MTR: variants seen among roughly 807,000 people sequenced by gnomAD.
The protein encoded by MTR is methionine synthase.
Under a neutral mutation model 154.8 loss-of-function variants are expected in MTR, and 84 were observed. That is an observed-to-expected ratio of 0.54 (90% CI 0.45 to 0.65). The LOEUF (loss-of-function observed/expected upper bound fraction) is 0.65, where lower values mean the gene tolerates loss of function less well. Among genes scored for constraint, MTR ranks in the 30% least tolerant of loss-of-function variants. MTR has a pLI of 0.00. For synonymous variants in MTR, 554 were observed against 553.9 expected (o/e 1.00, Z 0.00); for missense variants, 1,275 against 1,570.2 (o/e 0.81, Z 3.18).
intron 1 of MTR, 63 bp from the exon 2 acceptor site, chr1:236,803,365 T>C (rs919312198): frequency 6.3e-5 from 92 of 1,470,412 alleles, no homozygotes; most frequent in Non-Finnish European, 8.4e-5. Context: ...TCTCTAAAGC[T>C]CCTCCCTCAC....
At chr1:236,879,109 A>G (rs549781611) in intron 24 of MTR, among the ~76,000 whole-genome samples, 13 of 152,354 alleles carry the variant, frequency 8.5e-5, no homozygotes, top group East Asian at 7.7e-4. Flanking sequence ...TATTACACCT[A>G]TAACAGTCTC....
At chr1:236,874,296 T>G (rs1665306480) in intron 23 of MTR, among the ~76,000 whole-genome samples, 1 of 152,130 alleles carries the variant, frequency 6.6e-6, no homozygotes, top group East Asian at 1.9e-4. Context: ...AAACTGGGGA[T>G]GGGCGCAGTG....
At chr1:236,886,949 T>C (rs1362035308) in intron 27 of MTR, among the ~76,000 whole-genome samples, 1 of 150,250 alleles carries the variant, frequency 6.7e-6, no homozygotes, top group Middle Eastern at 3.2e-3. Flanking sequence ...TCTCTCTGGA[T>C]GTTTCCCTCT....
In MTR at chr1:236,863,452, A is replaced by G. The variant is rs1664661129; in HGVS notation, c.2305-2A>G. 3 of 1,613,716 alleles carry G rather than the reference A, an allele frequency of 1.9e-6. No homozygotes were observed. The highest frequency in any genetic ancestry group is 2.5e-6 in the Non-Finnish European group (3 of 1,179,832). Reference sequence around the variant, plus strand: ...TGCTGAGCTGCTTGGCTTCCTTTCCAGGACCCTTACCAGGGCACCATCGTG... The same window carrying G: ...TGCTGAGCTGCTTGGCTTCCTTTCCGGGACCCTTACCAGGGCACCATCGTG... On this transcript the variant is annotated splice_acceptor_variant, in intron 21 of 32. Transcript: ENST00000366577. LOFTEE classifies it high-confidence loss of function.
chr1:236,835,876 T>C (rs952964087), intron 14 of MTR, among the ~76,000 whole-genome samples, 189 bp downstream of exon 14: 3 of 152,144 alleles, frequency 2.0e-5, no homozygotes, highest in Non-Finnish European at 4.4e-5. Context: ...AAGCAGATCT[T>C]GGAGACAGCT....
At chr1:236,824,078 T>C in intron 8 of MTR, 41 bp from the exon 9 acceptor site, 1 of 1,483,908 alleles carries the variant, frequency 6.7e-7, no homozygotes, top group Non-Finnish European at 9.4e-7. Context: ...TAAATATGAA[T>C]GAGAGATGAT....
At chr1:236,883,601 T>C (rs763836939) in intron 25 of MTR, among the ~76,000 whole-genome samples, 1 of 152,238 alleles carries the variant, frequency 6.6e-6, no homozygotes, top group Non-Finnish European at 1.5e-5. Context: ...TTCATTGGGC[T>C]GTGCTGGGTT....
intron 15 of MTR, among the ~76,000 whole-genome samples, chr1:236,845,166 G>A (rs1222879831): frequency 3.3e-5 from 5 of 152,202 alleles, no homozygotes; most frequent in African/African-American, 4.8e-5. Context: ...TTGAAGACTG[G>A]TGTATGTTTC....
intron 29 of MTR, 55 bp from the exon 30 acceptor site, chr1:236,894,302 C>T (rs1013146587): frequency 5.5e-5 from 85 of 1,547,090 alleles, no homozygotes; most frequent in African/African-American, 6.8e-5. Flanking sequence ...GGTGTGCTGG[C>T]GCCACGTTCT....
intron 24 of MTR, among the ~76,000 whole-genome samples, chr1:236,876,005 T>C (rs967639825): frequency 3.3e-5 from 5 of 152,196 alleles, no homozygotes; most frequent in Non-Finnish European, 7.3e-5. Flanking sequence ...AAGGGACTCC[T>C]TGTCTTGTCT....
At chr1:236,812,293 A>C (rs952406036) in intron 5 of MTR, among the ~76,000 whole-genome samples, 1 of 152,262 alleles carries the variant, frequency 6.6e-6, no homozygotes, top group Non-Finnish European at 1.5e-5. Flanking sequence ...GAGCAGAGAC[A>C]AAATCTGCGG....
At chr1:236,861,098 T>TTTTTTTTTTTTTTTTTTTTTTTTTTTTG in intron 19 of MTR, 27 bp from the exon 20 acceptor site, 1 of 361,098 alleles carries the variant, frequency 2.8e-6, no homozygotes. Context: ...TTTCTTTTTC[T>TTTTTTTTTTTTTTTTTTTTTTTTTTTTG]TTTTTTTTTT....
rs866243823 is a variant in MTR at position 236,831,227 on chromosome 1, A to T, written c.1076-739A>T. ...AATGAATAGAACAAAAACAGTTCAG[A>T]GCCTTTTCTGTAGTGATACTTTACA... On this transcript the variant is annotated intron_variant, in intron 12 of 32. Transcript: ENST00000366577. 4.6e-5 allele frequency among the ~76,000 whole-genome samples: 7 copies of T among 152,186 alleles called. No individual in the cohort carries two copies. In the South Asian group the frequency reaches 8.3e-4, roughly 18 times the overall value.
chr1:236,817,467 A>G (rs1191005135), intron 8 of MTR, among the ~76,000 whole-genome samples: 67 of 152,200 alleles, frequency 4.4e-4, no homozygotes, highest in Admixed American at 4.4e-3. Flanking sequence ...AGTAAGAGTA[A>G]TAGACATTTG....
At chr1:236,808,633 T>C (rs1325398793) in intron 3 of MTR, 71 bp from the exon 4 acceptor site, 1 of 1,412,350 alleles carries the variant, frequency 7.1e-7, no homozygotes, top group African/African-American at 1.4e-5. Flanking sequence ...GAGTATTAGA[T>C]GGTCATGAAT....
Position 236,897,645 on chromosome 1 carries a change from CTT to C in MTR, c.*15_*16del, listed in dbSNP as rs67705775. The C allele has an allele frequency of 0.016, 22,563 of 1,445,782 alleles. No homozygotes were observed. Among genetic ancestry groups the C allele is most frequent in the South Asian group, 0.018 (1,532 of 83,476 alleles). 89.6% of individuals were successfully genotyped at this position (1,445,782 alleles called of 1,614,324 possible). A position where few individuals can be genotyped will look rare whatever the true frequency, so the allele number is the denominator to read the frequency against. On this transcript the variant is annotated 3_prime_UTR_variant, in exon 33 of 33. Coordinates refer to ENST00000366577, the MANE Select transcript of MTR (RefSeq NM_000254.3). ...CATTTTGGGATATGATACAGACTAA[CTT>C]TTTTTTTTTTTTTGCCTTTTTTATT... is the stretch of plus-strand genomic sequence containing the variant.
intron 12 of MTR, among the ~76,000 whole-genome samples, chr1:236,830,622 A>G (rs961791410): frequency 6.6e-6 from 1 of 152,228 alleles, no homozygotes; most frequent in African/African-American, 2.4e-5. Flanking sequence ...ATAATAGATC[A>G]TAAGTACTTT....
intron 13 of MTR, among the ~76,000 whole-genome samples, chr1:236,835,165 A>G (rs1488466085): frequency 1.3e-5 from 2 of 151,810 alleles, no homozygotes; most frequent in Non-Finnish European, 2.9e-5. Context: ...AAGCAGAGGG[A>G]ACAACGTGAT....
In MTR at chr1:236,901,646, C is replaced by G. The variant is rs941119719; in HGVS notation, c.*4002C>G. The G allele has an allele frequency of 2.0e-5, 3 of 152,312 alleles. No individual in the cohort carries two copies. Among genetic ancestry groups the G allele is most frequent in the Non-Finnish European group, 2.9e-5 (2 of 68,158 alleles). The allele number at this position is 152,312 out of a possible 1,614,324, so 9.4% of individuals were successfully genotyped here. A position where few individuals can be genotyped will look rare whatever the true frequency, so the allele number is the denominator to read the frequency against. ...TGGAAGTCCAAGATCATGGTGCCAT[C>G]ATGGCCGAGTTCTGGTGAGGGCCCT... On this transcript the variant is annotated 3_prime_UTR_variant, in exon 33 of 33. Transcript: ENST00000366577.
Sources: gnomAD v4.1 joint callset for allele counts (sites outside exome capture counted in the v4.1 genomes callset) on GRCh38, gnomAD v4.1.1 for gene constraint, MANE v1.5 for transcripts, NCBI Gene and HGNC (gene_info 2026-07-23, HGNC 2026-07-21) for gene names.